Variants in GSE1 observed in about 807,000 individuals in gnomAD.
GSE1 encodes the protein Gse1 coiled-coil protein.
A neutral mutation model predicts 112.6 loss-of-function variants in GSE1; 32 were observed. The ratio of observed to expected loss-of-function variants is 0.28; its 90% CI spans 0.21 to 0.38. The LOEUF (loss-of-function observed/expected upper bound fraction) is 0.38. Among genes scored for constraint, GSE1 ranks in the 10% least tolerant of loss-of-function variants. The pLI is 1.00. For synonymous variants in GSE1, 1,115 were observed against 735.6 expected (o/e 1.52, Z -8.35); for missense variants, 2,348 against 1,699.2 (o/e 1.38, Z -6.71).
intron 1 of GSE1, among the ~76,000 whole-genome samples, chr16:85,195,923 T>TA (rs1275496840): frequency 6.6e-6 from 1 of 152,174 alleles, no homozygotes; most frequent in Non-Finnish European, 1.5e-5. Context: ...TGGGGCCAGA[T>TA]ATGTCTCGGA....
At chr16:85,249,937 G>A (rs1430959172) in intron 1 of GSE1, among the ~76,000 whole-genome samples, 1 of 152,268 alleles carries the variant, frequency 6.6e-6, no homozygotes, top group Non-Finnish European at 1.5e-5. Context: ...TGCCAGCTGG[G>A]CGCTTCTCCA....
chr16:85,484,340 T>C (rs1477222524), intron 2 of GSE1, among the ~76,000 whole-genome samples: 1 of 152,240 alleles, frequency 6.6e-6, no homozygotes, highest in African/African-American at 2.4e-5. Context: ...TGGATTCCCA[T>C]TTCTGCCAGT....
At chr16:85,395,962 C>G (rs2047956210) in intron 2 of GSE1, among the ~76,000 whole-genome samples, 1 of 152,232 alleles carries the variant, frequency 6.6e-6, no homozygotes, top group Non-Finnish European at 1.5e-5. Flanking sequence ...GCCCTGTCCC[C>G]CGGCTGGTAT....
intron 1 of GSE1, among the ~76,000 whole-genome samples, chr16:85,222,162 G>C (rs115254924): frequency 0.01 from 1,542 of 152,326 alleles, 25 homozygotes; most frequent in African/African-American, 0.034. Flanking sequence ...CCCGCTCCCT[G>C]TGGCTCTGGT....
chr16:85,637,370 C>T (rs1360714731), intron 2 of GSE1, among the ~76,000 whole-genome samples: 4 of 152,230 alleles, frequency 2.6e-5, no homozygotes, highest in African/African-American at 9.6e-5. Context: ...GTCGGGGGAG[C>T]TGGGTGGGGC....
intron 2 of GSE1, among the ~76,000 whole-genome samples, chr16:85,643,788 G>A (rs1031734303): frequency 3.9e-5 from 6 of 152,114 alleles, no homozygotes; most frequent in Admixed American, 2.0e-4. Context: ...CCCACTGTCC[G>A]GTCCCCAGGG....
At chr16:85,255,086 AGGC>A (rs10689181) in intron 1 of GSE1, among the ~76,000 whole-genome samples, 2 of 151,978 alleles carry the variant, frequency 1.3e-5, no homozygotes, top group Admixed American at 6.6e-5. Flanking sequence ...CCAGAGAGGG[AGGC>A]GGCGGCGGCG....
chr16:85,182,932 C>G (rs528962762), intron 1 of GSE1, among the ~76,000 whole-genome samples: 15 of 152,286 alleles, frequency 9.8e-5, no homozygotes, highest in East Asian at 1.9e-4. Context: ...TTCTCCTGCA[C>G]CACGCTCGCA....
rs2049559348 is a variant in GSE1, at chr16:85,447,934, C to T, written c.2464+90291C>T. Among the ~76,000 whole-genome samples the T allele has an allele frequency of 1.3e-5, 2 of 152,152 alleles. 1 individual carries two copies. The highest frequency in any genetic ancestry group is 4.1e-4 in the South Asian group (2 of 4,824). ...CACTGCCAGCTCCTGGTGGGCGACT[C>T]GAGGCAGCTGCTGATACCTCAGGGC... On this transcript the variant is annotated intron_variant, in intron 2 of 2. Transcript: ENST00000637419.
At chr16:85,570,013 G>A (rs1053263378) in intron 1 of GSE1, among the ~76,000 whole-genome samples, 2 of 152,200 alleles carry the variant, frequency 1.3e-5, no homozygotes, top group Non-Finnish European at 2.9e-5. Context: ...GGTGGCTTCC[G>A]GGATTAGAGC....
At chr16:85,562,364 C>A (rs779496711) in intron 1 of GSE1, among the ~76,000 whole-genome samples, 5 of 152,204 alleles carry the variant, frequency 3.3e-5, no homozygotes, top group South Asian at 2.1e-4. Context: ...TCCCACCCCC[C>A]CTGCCCAATT....
chr16:85,492,371 C>T (rs992361119), intron 2 of GSE1, among the ~76,000 whole-genome samples: 15 of 152,150 alleles, frequency 9.9e-5, no homozygotes, highest in Non-Finnish European at 1.9e-4. Flanking sequence ...CCTCTCAAAT[C>T]GAATCCCCTC....
intron 2 of GSE1, among the ~76,000 whole-genome samples, chr16:85,408,126 GC>G (rs766202972): frequency 3.1e-5 from 1 of 32,032 alleles, no homozygotes; most frequent in African/African-American, 1.6e-4. Flanking sequence ...TTACTCTCAG[GC>G]CCCCTGGATA....
chr16:85,603,815 A>G (rs911769240), intron 1 of GSE1, among the ~76,000 whole-genome samples: 2 of 152,146 alleles, frequency 1.3e-5, no homozygotes, highest in Non-Finnish European at 2.9e-5. Context: ...CCCAGATTGG[A>G]TTGTTTTTAA....
intron 1 of GSE1, among the ~76,000 whole-genome samples, chr16:85,255,945 C>T (rs1270951957): frequency 6.6e-6 from 1 of 152,154 alleles, no homozygotes; most frequent in Admixed American, 6.5e-5. Context: ...ACCACAGCCT[C>T]CCAAAGTGCT....
rs562766880 is a variant in GSE1 at position 85,413,992 on chromosome 16, G to GC, written c.2464+56351dup. Among the ~76,000 whole-genome samples the GC allele has an allele frequency of 3.6e-4, 55 of 152,276 alleles. No homozygotes were observed. In the East Asian group the frequency reaches 7.1e-3, roughly 20 times the overall value. ...GCACCTTGCTTCTCTCTCACCTTCC[G>GC]CCATGATTGTAAGTTCCTGAGGCCT... On this transcript the variant is annotated intron_variant, in intron 2 of 2. Coordinates refer to the GSE1 transcript ENST00000637419.
At chr16:85,441,810 T>G (rs1381404136) in intron 2 of GSE1, among the ~76,000 whole-genome samples, 1 of 152,162 alleles carries the variant, frequency 6.6e-6, no homozygotes, top group Non-Finnish European at 1.5e-5. Context: ...CTGCCTCCCC[T>G]CTAACCCCTG....
Position 85,655,784 on chromosome 16 carries a change from C to G in GSE1, c.856C>G (p.Pro286Ala). ...GTCCCCGTTCTACCCCATCCCCACC[C>G]CCGGCTCCCTGCCCCCACTGCACCC... ...LRSPFYPIPT[P>A]GSLPPLHPSA... Residue 286 changes from proline to alanine, a missense_variant, in exon 6 of 16, where the codon CCC (proline) becomes GCC (alanine). Physicochemically the swap from Pro to Ala is conservative, Grantham distance 27. Transcript: ENST00000253458. 1 of 1,610,132 alleles carries G rather than the reference C, an allele frequency of 6.2e-7. No individual in the cohort carries two copies.
intron 2 of GSE1, among the ~76,000 whole-genome samples, chr16:85,409,663 TACA>T (rs2048442718): frequency 1.2e-4 from 1 of 8,436 alleles, no homozygotes; most frequent in African/African-American, 1.6e-4. Context: ...TCCTCACCGT[TACA>T]CTCAGGGCCC....
Sources: allele counts gnomAD v4.1 joint callset (sites outside exome capture counted in the v4.1 genomes callset), GRCh38; gene constraint gnomAD v4.1.1; transcripts MANE v1.5; gene names NCBI Gene and HGNC (gene_info 2026-07-23, HGNC 2026-07-21).